BICD1: variants seen among roughly 807,000 people sequenced by gnomAD.
BICD1 encodes BICD cargo adaptor 1, also known as protein bicaudal D homolog 1.
A neutral mutation model predicts 92.5 loss-of-function variants in BICD1; 35 were observed. The observed-to-expected ratio is 0.38, with a 90% CI of 0.29 to 0.50. BICD1 has a LOEUF of 0.50. BICD1 is among the 20% of genes least tolerant of loss of function. The pLI is 0.93. For synonymous variants in BICD1, 429 were observed against 465.1 expected (o/e 0.92, Z 1.00); for missense variants, 950 against 1,189.8 (o/e 0.80, Z 2.97).
At chr12:32,212,010 T>C (rs1202852591) in intron 1 of BICD1, among the ~76,000 whole-genome samples, 1 of 152,204 alleles carries the variant, frequency 6.6e-6, no homozygotes, top group Non-Finnish European at 1.5e-5. Context: ...TCACCACATC[T>C]GGAAATCTGA....
chr12:32,366,213 C>T (rs1437858758), intron 8 of BICD1, among the ~76,000 whole-genome samples: 2 of 152,138 alleles, frequency 1.3e-5, no homozygotes, highest in African/African-American at 4.8e-5. Context: ...TTTTTTATAA[C>T]AGAATATAAC....
At chr12:32,283,375 C>A (rs889194742) in intron 2 of BICD1, among the ~76,000 whole-genome samples, 2 of 150,510 alleles carry the variant, frequency 1.3e-5, no homozygotes, top group African/African-American at 5.0e-5. Context: ...CCACTCCACT[C>A]CACTCCACTC....
At chr12:32,289,077 G>C (rs1006617255) in intron 2 of BICD1, among the ~76,000 whole-genome samples, 2 of 152,154 alleles carry the variant, frequency 1.3e-5, no homozygotes, top group African/African-American at 4.8e-5. Flanking sequence ...AAGCAAGCTG[G>C]CATGTCCAAT....
At chr12:32,108,651 G>T in intron 1 of BICD1, 1 of 697,426 alleles carries the variant, frequency 1.4e-6, no homozygotes. Context: ...ACAGTTAAAA[G>T]ATGTGATTTA....
At chr12:32,346,571 T>C (rs1938599390) in intron 8 of BICD1, among the ~76,000 whole-genome samples, 3 of 43,730 alleles carry the variant, frequency 6.9e-5, no homozygotes, top group Admixed American at 3.2e-4. Flanking sequence ...TATATATATA[T>C]ATATATATAT....
chr12:32,305,946 A>C lies in BICD1; in HGVS notation c.829A>C (p.Ser277Arg), dbSNP rs1329872157. The C allele has an allele frequency of 6.2e-7, 1 of 1,614,252 alleles. No homozygotes were observed. The highest frequency in any genetic ancestry group is 1.7e-5 in the Admixed American group (1 of 60,030). ...VDGLKFAEDGSEPNNDDKMNG... is the reference protein window; with the variant it reads ...VDGLKFAEDGREPNNDDKMNG... Reference sequence around the variant, plus strand: ...TGGACTCAAATTTGCCGAGGATGGGAGTGAACCAAACAATGATGACAAAAT... The same window carrying C: ...TGGACTCAAATTTGCCGAGGATGGGCGTGAACCAAACAATGATGACAAAAT... The change falls in exon 4 of 10, where the codon AGT (serine) becomes CGT (arginine). Residue 277 changes from serine to arginine, a missense_variant. Ser to Arg is a moderately radical substitution (Grantham distance 110). This residue lies in a region of BICD1 where 246 missense variants were observed against 258.4 expected (regional missense o/e 0.95). Coordinates refer to ENST00000652176, the MANE Select transcript of BICD1 (RefSeq NM_001714.4).
intron 3 of BICD1, among the ~76,000 whole-genome samples, chr12:32,296,360 C>T (rs1359575363): frequency 2.8e-5 from 4 of 145,184 alleles, no homozygotes; most frequent in Admixed American, 7.2e-5. Flanking sequence ...TGGGTTCAAG[C>T]GATTCTCCTG....
intron 8 of BICD1, among the ~76,000 whole-genome samples, chr12:32,365,109 C>T (rs1242461532): frequency 6.6e-6 from 1 of 151,844 alleles, no homozygotes; most frequent in Non-Finnish European, 1.5e-5. Flanking sequence ...TGGTGGCGCA[C>T]GCTTGTAATC....
At chr12:32,110,104 A>T (rs538952593) in intron 1 of BICD1, among the ~76,000 whole-genome samples, 1 of 152,382 alleles carries the variant, frequency 6.6e-6, no homozygotes, top group South Asian at 2.1e-4. Context: ...CAAATTGGAC[A>T]TTAGTAATTT....
chr12:32,243,264 A>ATTTTTTTTTTTTTTTTTTTTTTTTTTTTT (rs71068310), intron 2 of BICD1, among the ~76,000 whole-genome samples: 6 of 74,032 alleles, frequency 8.1e-5, no homozygotes, highest in Middle Eastern at 8.2e-3. Context: ...TGCCTGGCTA[A>ATTTTTTTTTTTTTTTTTTTTTTTTTTTTT]TTTTTTTTTT....
chr12:32,111,609 T>G (rs1941695362), intron 1 of BICD1, among the ~76,000 whole-genome samples: 1 of 152,086 alleles, frequency 6.6e-6, no homozygotes, highest in Admixed American at 6.6e-5. Flanking sequence ...TTTTTTTATT[T>G]TATTTTATTT....
intron 1 of BICD1, among the ~76,000 whole-genome samples, chr12:32,130,942 A>G (rs1336997395): frequency 1.3e-5 from 2 of 151,986 alleles, no homozygotes; most frequent in African/African-American, 2.4e-5. Flanking sequence ...GGTTCAAGCA[A>G]TTCTCCTGCC....
chr12:32,343,337 TCCTCTTCCTCCTCCGTCC>T (rs1394803459), intron 8 of BICD1, among the ~76,000 whole-genome samples: 2 of 151,928 alleles, frequency 1.3e-5, no homozygotes, highest in Non-Finnish European at 2.9e-5. Context: ...CGTCCCCTCT[TCCTCTTCCTCCTCCGTCC>T]CCTCTTCCTC....
chr12:32,284,218 A>G (rs1947497419), intron 2 of BICD1, among the ~76,000 whole-genome samples: 1 of 152,198 alleles, frequency 6.6e-6, no homozygotes, highest in South Asian at 2.1e-4. Flanking sequence ...CTGGGAGAGA[A>G]GGCCTGTTCC....
rs187797106 is a variant in BICD1, at chr12:32,304,213, G to A, written c.580-1484G>A. ...AACCATTGCATTGAGATTATATAAA[G>A]GGAAGTTGGGGGAGAAAGAGAAATA... is the stretch of plus-strand genomic sequence containing the variant. On this transcript the variant is annotated intron_variant, in intron 3 of 9. Coordinates refer to ENST00000652176, the MANE Select transcript of BICD1 (RefSeq NM_001714.4). 1.9e-3 allele frequency among the ~76,000 whole-genome samples: 293 copies of A among 152,278 alleles called. 2 individuals carry two copies. The highest frequency in any genetic ancestry group is 8.4e-4 in the Non-Finnish European group (57 of 68,026).
chr12:32,281,606 A>T (rs140174417), intron 2 of BICD1, among the ~76,000 whole-genome samples: 1 of 152,298 alleles, frequency 6.6e-6, no homozygotes, highest in Admixed American at 6.5e-5. Flanking sequence ...TTTTAAAGAG[A>T]TAGAATAAAG....
chr12:32,350,499 G>A (rs530903102), intron 8 of BICD1, among the ~76,000 whole-genome samples: 3 of 152,112 alleles, frequency 2.0e-5, no homozygotes, highest in Non-Finnish European at 2.9e-5. Flanking sequence ...AAGAAATGAT[G>A]TAGTGAAAAT....
chr12:32,367,818 A>G, intron 9 of BICD1, 73 bp downstream of exon 9: 1 of 1,324,874 alleles, frequency 7.5e-7, no homozygotes, highest in Non-Finnish European at 1.1e-6. Flanking sequence ...CCTTTCCGAC[A>G]CCTGAACTGC....
intron 9 of BICD1, among the ~76,000 whole-genome samples, chr12:32,371,327 T>C (rs374170011): frequency 3.9e-5 from 6 of 152,320 alleles, no homozygotes; most frequent in African/African-American, 1.4e-4. Flanking sequence ...CCAAAATTGC[T>C]GGGATGATGA....
Sources: allele counts gnomAD v4.1 joint callset (sites outside exome capture counted in the v4.1 genomes callset), GRCh38; gene constraint gnomAD v4.1.1; regional missense constraint gnomAD v4.1.1; transcripts MANE v1.5; gene names NCBI Gene and HGNC (gene_info 2026-07-23, HGNC 2026-07-21).